Variants in SGCG observed in about 807,000 individuals in gnomAD.
The protein encoded by SGCG is sarcoglycan gamma, also known as gamma-sarcoglycan.
In SGCG, 26 loss-of-function variants were observed where a neutral mutation model predicts 29.3. That is an observed-to-expected ratio of 0.89 (90% CI 0.65 to 1.23). The LOEUF is 1.23. Among genes scored for constraint, SGCG ranks in the 50% most tolerant of loss-of-function variants. The pLI, the probability that SGCG is intolerant of heterozygous loss-of-function variation, is 0.00. For synonymous variants in SGCG, 145 were observed against 129.7 expected, an observed-to-expected ratio of 1.12 and a Z score of -0.80; for missense variants, 353 against 356.0, an observed-to-expected ratio of 0.99 and a Z score of 0.07.
At chr13:23,301,808 C>T (rs1220610448) in intron 6 of SGCG, among the ~76,000 whole-genome samples, 3 of 151,868 alleles carry the variant, frequency 2.0e-5, no homozygotes, top group Non-Finnish European at 4.4e-5. Context: ...GAAGAATTCG[C>T]TTGAACCCGG....
intron 2 of SGCG, among the ~76,000 whole-genome samples, chr13:23,212,997 T>A (rs1444410465): frequency 6.6e-6 from 1 of 152,150 alleles, no homozygotes; most frequent in Non-Finnish European, 1.5e-5. Flanking sequence ...ATTTCTTAAC[T>A]GGTGAAAGGG....
At chr13:23,235,495 C>A (rs933839052) in intron 3 of SGCG, among the ~76,000 whole-genome samples, 6 of 152,066 alleles carry the variant, frequency 3.9e-5, no homozygotes, top group African/African-American at 1.4e-4. Flanking sequence ...TTATTAAATA[C>A]TTATGTGACT....
chr13:23,210,928 G>GA (rs35916355), intron 2 of SGCG, among the ~76,000 whole-genome samples: 37,198 of 151,892 alleles, frequency 0.24, 4,875 homozygotes, highest in Middle Eastern at 0.33. Context: ...AACCATGTCC[G>GA]AAAAAAGTCC....
At chr13:23,279,515 G>A in intron 5 of SGCG, 37 bp downstream of exon 5, 2 of 1,601,618 alleles carry the variant, frequency 1.2e-6, no homozygotes, top group Non-Finnish European at 1.7e-6. Flanking sequence ...ACATTCCATG[G>A]AGTACACATC....
At chr13:23,303,481 G>T (rs1882248436) in intron 6 of SGCG, among the ~76,000 whole-genome samples, 1 of 152,260 alleles carries the variant, frequency 6.6e-6, no homozygotes, top group African/African-American at 2.4e-5. Flanking sequence ...AGGGCACAGG[G>T]AAGGGGAATC....
chr13:23,281,493 G>A (rs1312466845), intron 5 of SGCG, among the ~76,000 whole-genome samples: 2 of 152,104 alleles, frequency 1.3e-5, no homozygotes, highest in African/African-American at 4.8e-5. Context: ...CAGCTCTGGG[G>A]ACCACACTTT....
At chr13:23,319,254 C>T (rs1044172580) in intron 6 of SGCG, among the ~76,000 whole-genome samples, 3 of 150,384 alleles carry the variant, frequency 2.0e-5, no homozygotes, top group Non-Finnish European at 3.0e-5. Context: ...GCCAAGACCA[C>T]ACCACTGTAT....
intron 5 of SGCG, among the ~76,000 whole-genome samples, chr13:23,290,100 A>G (rs1330826911): frequency 6.6e-6 from 1 of 152,168 alleles, no homozygotes; most frequent in Non-Finnish European, 1.5e-5. Context: ...CTCAAAGATG[A>G]TATTTGTTTT....
chr13:23,259,496 T>A lies in SGCG; in HGVS notation c.385+8779T>A, dbSNP rs1252222820. Among the ~76,000 whole-genome samples the A allele has an allele frequency of 2.0e-5, 3 of 152,176 alleles. No individual in the cohort carries two copies. The East Asian group carries it at 5.8e-4, about 29-fold the overall frequency. On this transcript the variant is annotated intron_variant, in intron 4 of 7. Coordinates refer to ENST00000218867, the MANE Select transcript of SGCG (RefSeq NM_000231.3). The stretch of plus-strand genomic sequence containing the variant: ...TGTTGATCTTTTCAAAAAAACCAGC[T>A]CCTAGATTCATTGATTTTTTGAAGG...
At chr13:23,197,057 T>C (rs3794364) in intron 1 of SGCG, among the ~76,000 whole-genome samples, 69,908 of 151,940 alleles carry the variant, frequency 0.46, 16,254 homozygotes, top group Admixed American at 0.51. Context: ...TGCCTTATTA[T>C]GATCTGTGTG....
Position 23,192,539 on chromosome 13 carries a change from G to T in SGCG, c.1-11156G>T, listed in dbSNP as rs564866651. 1.6e-3 allele frequency among the ~76,000 whole-genome samples: 244 copies of T among 152,006 alleles called. 1 individual carries two copies. Among genetic ancestry groups the T allele is most frequent in the African/African-American group, 5.5e-3 (229 of 41,474 alleles). ...CTCCCGAGTAGCCGGGATTACAGGC[G>T]CCTGCCACCACGCCCAGCTAATTTT... On this transcript the variant is annotated intron_variant, in intron 1 of 7. Transcript: ENST00000218867.
chr13:23,208,783 A>G (rs1322709885), intron 2 of SGCG, among the ~76,000 whole-genome samples: 3 of 152,176 alleles, frequency 2.0e-5, no homozygotes, highest in Admixed American at 2.0e-4. Context: ...CGGTTATTAA[A>G]TCAGTGTAGT....
intron 3 of SGCG, among the ~76,000 whole-genome samples, chr13:23,249,113 G>A (rs1164041057): frequency 6.6e-6 from 1 of 151,852 alleles, no homozygotes; most frequent in Non-Finnish European, 1.5e-5. Flanking sequence ...TGCAAAATTT[G>A]GGACACTTTG....
intron 5 of SGCG, among the ~76,000 whole-genome samples, chr13:23,281,223 C>T (rs1881293541): frequency 6.6e-6 from 1 of 151,880 alleles, no homozygotes; most frequent in Admixed American, 6.6e-5. Flanking sequence ...GCCTGTGGTC[C>T]CAGCTACTTG....
At chr13:23,316,045 G>A (rs561717504) in intron 6 of SGCG, among the ~76,000 whole-genome samples, 26 of 152,282 alleles carry the variant, frequency 1.7e-4, no homozygotes, top group Middle Eastern at 3.4e-3. Flanking sequence ...TGGAGGTTAC[G>A]CATTGGCTCA....
Position 23,279,407 on chromosome 13 carries a change from A to T in SGCG, c.434A>T (p.Asn145Ile). 6.2e-7 allele frequency: 1 copy of T among 1,613,474 alleles called. No homozygotes were observed. Residue 145 changes from asparagine to isoleucine, a missense_variant, in exon 5 of 8, where the codon AAC becomes ATC. Physicochemically the swap from Asn to Ile is moderately radical, Grantham distance 149. Transcript: ENST00000218867. Reference sequence around the variant, plus strand: ...AATCAACAGTTTCAGATCAACTCCAACGACGGCAAGCCACTATTTACTGTA... The same window carrying T: ...AATCAACAGTTTCAGATCAACTCCATCGACGGCAAGCCACTATTTACTGTA... ...VQNQQFQINS[N>I]DGKPLFTVDE...
chr13:23,275,061 T>C (rs1318588591), intron 4 of SGCG, among the ~76,000 whole-genome samples: 1 of 149,514 alleles, frequency 6.7e-6, no homozygotes, highest in Non-Finnish European at 1.5e-5. Context: ...TAAAAGATTG[T>C]GTAGGATGGG....
intron 3 of SGCG, among the ~76,000 whole-genome samples, chr13:23,248,425 G>A (rs568896729): frequency 1.3e-4 from 20 of 152,314 alleles, no homozygotes; most frequent in African/African-American, 4.3e-4. Context: ...AATCTGGCCA[G>A]GCGCGGTGGC....
intron 3 of SGCG, chr13:23,244,755 T>A (rs1879635530): frequency 6.6e-6 from 1 of 152,148 alleles, no homozygotes; most frequent in Non-Finnish European, 1.5e-5. Flanking sequence ...CGTTACGACT[T>A]CTCCAAGGCG....
Sources: allele counts gnomAD v4.1 joint callset (sites outside exome capture counted in the v4.1 genomes callset), GRCh38; gene constraint gnomAD v4.1.1; transcripts MANE v1.5; gene names NCBI Gene and HGNC (gene_info 2026-07-23, HGNC 2026-07-21).